The following MYO1B variants were observed in gnomAD, a reference collection of about 807,000 sequenced individuals.
MYO1B encodes unconventional myosin-Ib.
A neutral mutation model predicts 159.7 loss-of-function variants in MYO1B; 72 were observed. The ratio of observed to expected loss-of-function variants is 0.45; its 90% confidence interval spans 0.37 to 0.55. The LOEUF is 0.55. MYO1B is among the 20% of genes least tolerant of loss of function. The probability of loss-of-function intolerance (pLI) is 0.00; values close to 1 mark genes in which losing one functional copy is unlikely to be tolerated. For synonymous variants in MYO1B, 468 were observed against 473.8 expected, an observed-to-expected ratio of 0.99 and a Z score of 0.16; for missense variants, 1,062 against 1,364.8, an observed-to-expected ratio of 0.78 and a Z score of 3.50.
chr2:191,332,359 T>A (rs1321952613), intron 4 of MYO1B, among the ~76,000 whole-genome samples: 1 of 152,222 alleles, frequency 6.6e-6, no homozygotes, highest in Non-Finnish European at 1.5e-5. Context: ...TATAGGATTT[T>A]TTTTTTTTTC....
At position 191,424,084 on chromosome 2, in the gene MYO1B, T is replaced by C. The variant is rs1165983852; in HGVS notation, c.*124T>C. 8.8e-7 allele frequency: 1 copy of C among 1,141,552 alleles called. No homozygotes were observed. Among genetic ancestry groups the C allele is most frequent in the East Asian group, 2.4e-5 (1 of 42,290 alleles). 70.7% of individuals were successfully genotyped at this position (1,141,552 alleles called of 1,614,324 possible). A position where few individuals can be genotyped will look rare whatever the true frequency, so the allele number is the denominator to read the frequency against. ...AGGCTTTTAGAGTTCTTTGGCAAAA[T>C]AAAAATATTTGACTAATCAATTTTT... On this transcript the variant is annotated 3_prime_UTR_variant, in exon 31 of 31. Coordinates refer to ENST00000392318, the MANE Select transcript of MYO1B (RefSeq NM_001130158.3).
intron 7 of MYO1B, among the ~76,000 whole-genome samples, chr2:191,354,790 G>A (rs1291294701): frequency 1.3e-5 from 2 of 152,184 alleles, no homozygotes; most frequent in African/African-American, 4.8e-5. Flanking sequence ...CACTTCTGCT[G>A]TACTCTATGT....
At chr2:191,395,333 C>T (rs1696004357) in intron 20 of MYO1B, among the ~76,000 whole-genome samples, 1 of 152,054 alleles carries the variant, frequency 6.6e-6, no homozygotes, top group Non-Finnish European at 1.5e-5. Context: ...GTCCCAGGGT[C>T]CTCTTGGATT....
intron 18 of MYO1B, 41 bp from the exon 19 acceptor site, chr2:191,392,067 G>GT: frequency 6.8e-7 from 1 of 1,467,938 alleles, no homozygotes; most frequent in East Asian, 2.3e-5. Flanking sequence ...AACTATTTTT[G>GT]TAACTCAGAA....
chr2:191,313,369 C>G (rs919518181), intron 3 of MYO1B, among the ~76,000 whole-genome samples: 13 of 149,592 alleles, frequency 8.7e-5, no homozygotes, highest in Admixed American at 5.4e-4. Flanking sequence ...CGCCACCACG[C>G]CTGGCTAATT....
intron 21 of MYO1B, among the ~76,000 whole-genome samples, chr2:191,398,443 C>T (rs1334176456): frequency 1.4e-5 from 2 of 146,328 alleles, no homozygotes; most frequent in South Asian, 2.2e-4. Flanking sequence ...ACCTCCCTCC[C>T]GGACGGAGAC....
At chr2:191,265,196 T>G (rs1687064696) in intron 1 of MYO1B, among the ~76,000 whole-genome samples, 2 of 152,094 alleles carry the variant, frequency 1.3e-5, no homozygotes, top group South Asian at 4.2e-4. Context: ...TGTTTTTTTT[T>G]TTTTTTTTTT....
rs571958361 is a variant in MYO1B, at chr2:191,424,637, G to A, written c.*677G>A. The A allele has an allele frequency of 6.6e-6, 1 of 152,184 alleles. No individual in the cohort carries two copies. The highest frequency in any genetic ancestry group is 1.9e-4 in the East Asian group (1 of 5,186). The allele number at this position is 152,184 out of a possible 1,614,324, so 9.4% of individuals were successfully genotyped here. ...AAAAAGAAAACTGACATTTGAACAG[G>A]ACTTTTAATTTGTTTAAAACTCTGG... is the stretch of plus-strand genomic sequence containing the variant. On this transcript the variant is annotated 3_prime_UTR_variant, in exon 31 of 31. Transcript: ENST00000392318.
At chr2:191,262,295 C>A (rs976048362) in intron 1 of MYO1B, among the ~76,000 whole-genome samples, 1 of 152,124 alleles carries the variant, frequency 6.6e-6, no homozygotes. Context: ...TGCCGCCCCC[C>A]CTCCTCCCCA....
intron 30 of MYO1B, 180 bp downstream of exon 30, chr2:191,416,422 G>T: frequency 1.5e-6 from 1 of 658,750 alleles, no homozygotes; most frequent in South Asian, 2.0e-5. Context: ...TCATGTACCT[G>T]ACATCCTAGT....
chr2:191,380,928 T>A (rs1695003327), intron 13 of MYO1B: 1 of 188,428 alleles, frequency 5.3e-6, no homozygotes, highest in African/African-American at 2.4e-5. Flanking sequence ...GAGGCAGATG[T>A]ATATGAAACT....
At chr2:191,397,360 C>A (rs183797250) in intron 21 of MYO1B, among the ~76,000 whole-genome samples, 2,715 of 144,928 alleles carry the variant, frequency 0.019, 70 homozygotes, top group African/African-American at 0.065. Context: ...TGTTTGTGTC[C>A]CTGGGTACTT....
chr2:191,400,286 G>A (rs1354343631), intron 21 of MYO1B, 96 bp from the exon 22 acceptor site: 18 of 1,268,694 alleles, frequency 1.4e-5, no homozygotes, highest in Non-Finnish European at 2.1e-5. Flanking sequence ...AATAGCATGG[G>A]TGTTAGGACG....
intron 3 of MYO1B, among the ~76,000 whole-genome samples, chr2:191,299,582 T>A (rs1050211871): frequency 3.3e-5 from 5 of 152,234 alleles, no homozygotes; most frequent in African/African-American, 1.2e-4. Context: ...ACTTGTTCCG[T>A]ACTAAGGCTA....
intron 1 of MYO1B, chr2:191,246,385 AC>A (rs1685795958): frequency 1.3e-5 from 2 of 152,128 alleles, no homozygotes; most frequent in African/African-American, 4.8e-5. Context: ...CAAACACACA[AC>A]ATTTTGTTCA....
chr2:191,346,360 ATTTC>A, intron 6 of MYO1B, 78 bp downstream of exon 6: 4 of 920,456 alleles, frequency 4.3e-6, no homozygotes, highest in Non-Finnish European at 4.7e-6. Context: ...GATGTTTAAT[ATTTC>A]TTAATACACA....
At chr2:191,291,476 C>T (rs1215689157) in intron 2 of MYO1B, among the ~76,000 whole-genome samples, 6 of 152,112 alleles carry the variant, frequency 3.9e-5, no homozygotes. Context: ...TTGTTTGCTT[C>T]TCTTCCCTCC....
At chr2:191,335,560 A>G (rs547745803) in intron 4 of MYO1B, among the ~76,000 whole-genome samples, 1 of 152,280 alleles carries the variant, frequency 6.6e-6, no homozygotes, top group African/African-American at 2.4e-5. Context: ...GCCATTTTGA[A>G]ATGTCATATC....
Position 191,411,161 on chromosome 2 carries a change from A to G in MYO1B, c.2862A>G (p.Leu954=). The change falls in exon 27 of 31, where the codon TTA becomes TTG. Residue 954 remains leucine, a synonymous_variant. Coordinates refer to ENST00000392318, the MANE Select transcript of MYO1B (RefSeq NM_001130158.3). ...ASELFKDKKA[L]YPSSVGQPFQ... is the part of the protein sequence containing the mutation. ...AACTCTTCAAAGACAAGAAGGCTTT[A>G]TACCCATCTAGGTATTATGGCTTTG... 6.3e-7 allele frequency: 1 copy of G among 1,594,534 alleles called. No homozygotes were observed. The highest frequency in any genetic ancestry group is 8.6e-7 in the Non-Finnish European group (1 of 1,169,248).
Sources: allele counts gnomAD v4.1 joint callset (sites outside exome capture counted in the v4.1 genomes callset), GRCh38; gene constraint gnomAD v4.1.1; transcripts MANE v1.5; gene names NCBI Gene and HGNC (gene_info 2026-07-23, HGNC 2026-07-21).